HAUS6: variants seen among roughly 807,000 people sequenced by gnomAD.
HAUS6 encodes HAUS augmin like complex subunit 6.
Under a neutral mutation model 106.8 loss-of-function variants are expected in HAUS6, and 80 were observed. The observed-to-expected ratio is 0.75, with a 90% confidence interval of 0.63 to 0.90. The LOEUF (loss-of-function observed/expected upper bound fraction) is 0.90. HAUS6 is among the 40% of genes least tolerant of loss of function. The probability of loss-of-function intolerance (pLI) is 0.00; values close to 1 mark genes in which losing one functional copy is unlikely to be tolerated. For missense variants in HAUS6, 1,155 were observed against 1,118.1 expected (o/e 1.03, Z -0.47); for synonymous variants, 356 against 379.1 (o/e 0.94, Z 0.71).
chr9:19,065,764 C>G (rs1241641918), intron 12 of HAUS6, among the ~76,000 whole-genome samples: 1 of 151,930 alleles, frequency 6.6e-6, no homozygotes, highest in African/African-American at 2.4e-5. Flanking sequence ...TCGCTTGAAC[C>G]CAGGAGGCAG....
intron 5 of HAUS6, 146 bp downstream of exon 5, chr9:19,089,266 A>G: frequency 1.7e-6 from 1 of 591,546 alleles, no homozygotes; most frequent in Non-Finnish European, 2.9e-6. Context: ...GGGAAAAAAA[A>G]AAAGAAGAAG....
intron 2 of HAUS6, among the ~76,000 whole-genome samples, chr9:19,096,100 A>G (rs1186510125): frequency 6.6e-6 from 1 of 152,206 alleles, no homozygotes; most frequent in East Asian, 1.9e-4. Flanking sequence ...CCGTAAATAA[A>G]ATGTTAAGAA....
chr9:19,072,499 ACT>A (rs963457336), intron 11 of HAUS6, among the ~76,000 whole-genome samples: 1 of 150,576 alleles, frequency 6.6e-6, no homozygotes. Context: ...GGTAATAAAG[ACT>A]CTGTCTCAAA....
At chr9:19,063,231 A>T in intron 13 of HAUS6, 38 bp from the exon 14 acceptor site, 1 of 1,306,540 alleles carries the variant, frequency 7.7e-7, no homozygotes, top group Non-Finnish European at 1.1e-6. Context: ...ACCCTTAATA[A>T]TCATGGCTGA....
At position 19,099,353 on chromosome 9, in the gene HAUS6, A is replaced by C. The variant is rs1282681678; in HGVS notation, c.129-2584T>G. On this transcript the variant is annotated intron_variant, in intron 1 of 16. Transcript: ENST00000380502. ...GGCTAATTTTTTGTATTTTTAGTAG[A>C]GATAGGGTTTCACCGTGTTAGCTAG... is the stretch of plus-strand genomic sequence containing the variant. 2.0e-5 allele frequency among the ~76,000 whole-genome samples: 3 copies of C among 152,056 alleles called. No homozygotes were observed. The East Asian group carries it at 5.8e-4, about 30-fold the overall frequency.
intron 4 of HAUS6, among the ~76,000 whole-genome samples, chr9:19,092,033 A>G (rs993123433): frequency 6.6e-6 from 1 of 152,204 alleles, no homozygotes; most frequent in African/African-American, 2.4e-5. Context: ...CACTAATAAA[A>G]GAAATACAAA....
intron 15 of HAUS6, 179 bp downstream of exon 15, chr9:19,059,909 G>A (rs372178806): frequency 2.7e-5 from 13 of 487,990 alleles, no homozygotes; most frequent in African/African-American, 2.2e-4. Context: ...TGAGTACACT[G>A]AAGGCACAAA....
chr9:19,094,690 C>T (rs1372442353), intron 2 of HAUS6, among the ~76,000 whole-genome samples: 5 of 151,972 alleles, frequency 3.3e-5, no homozygotes, highest in Non-Finnish European at 5.9e-5. Context: ...TACTCGGGAG[C>T]TGAGGCACGA....
Position 19,054,755 on chromosome 9 carries a change from ACT to A in HAUS6, c.*1586_*1587del, listed in dbSNP as rs1315821600. ...TCTATTTCCTAGCAGCAGTTCTCAA[ACT>A]CTTTCTCGAGCTTAAGAATTACCAA... is the stretch of plus-strand genomic sequence containing the variant. On this transcript the variant is annotated 3_prime_UTR_variant, in exon 17 of 17. Coordinates refer to ENST00000380502, the MANE Select transcript of HAUS6 (RefSeq NM_017645.5). 1 of 152,186 alleles carries A rather than the reference ACT, an allele frequency of 6.6e-6. No individual in the cohort carries two copies. Among genetic ancestry groups the A allele is most frequent in the Admixed American group, 6.5e-5 (1 of 15,268 alleles). 9.4% of individuals were successfully genotyped at this position (152,186 alleles called of 1,614,324 possible).
At chr9:19,061,940 A>G (rs1429477145) in intron 14 of HAUS6, among the ~76,000 whole-genome samples, 4 of 152,250 alleles carry the variant, frequency 2.6e-5, no homozygotes, top group Non-Finnish European at 4.4e-5. Flanking sequence ...ACCTGAATTA[A>G]TATCTGCTAA....
At chr9:19,097,775 A>AC (rs1817894886) in intron 1 of HAUS6, among the ~76,000 whole-genome samples, 1 of 151,736 alleles carries the variant, frequency 6.6e-6, no homozygotes, top group African/African-American at 2.4e-5. Flanking sequence ...CCTAAAAAAA[A>AC]AAAAAGTGAA....
chr9:19,094,215 T>C (rs1285805689), intron 3 of HAUS6, 102 bp downstream of exon 3: 7 of 658,984 alleles, frequency 1.1e-5, no homozygotes, highest in Admixed American at 3.0e-5. Flanking sequence ...CTTATACTGA[T>C]AGCATTAAAG....
chr9:19,086,949 C>CA (rs1298260280), intron 6 of HAUS6, 142 bp downstream of exon 6: 1 of 624,408 alleles, frequency 1.6e-6, no homozygotes, highest in African/African-American at 1.9e-5. Context: ...GATTAGCAGT[C>CA]ATAACTATGC....
intron 7 of HAUS6, 49 bp downstream of exon 7, chr9:19,086,685 A>G: frequency 1.2e-6 from 1 of 824,134 alleles, no homozygotes; most frequent in Non-Finnish European, 2.0e-6. Context: ...AACACTGCGT[A>G]TCACAGAATT....
chr9:19,073,648 A>C (rs905388332), intron 11 of HAUS6, among the ~76,000 whole-genome samples: 10 of 151,954 alleles, frequency 6.6e-5, no homozygotes, highest in African/African-American at 2.4e-4. Context: ...TCTCCAAAAA[A>C]AAAAAAAAGA....
chr9:19,068,028 G>A (rs939509252), intron 12 of HAUS6, among the ~76,000 whole-genome samples: 1 of 151,466 alleles, frequency 6.6e-6, no homozygotes, highest in Non-Finnish European at 1.5e-5. Flanking sequence ...GGTTTAATGG[G>A]GTTCATGAAT....
At chr9:19,059,087 T>C in intron 15 of HAUS6, 86 bp from the exon 16 acceptor site, 1 of 730,092 alleles carries the variant, frequency 1.4e-6, no homozygotes, top group Non-Finnish European at 2.3e-6. Flanking sequence ...ACACTGAAGA[T>C]AAAGCTCCTG....
chr9:19,074,244 CA>C (rs199871985), intron 11 of HAUS6, among the ~76,000 whole-genome samples: 44 of 149,822 alleles, frequency 2.9e-4, no homozygotes, highest in African/African-American at 9.6e-4. Context: ...GATTCTGTCT[CA>C]AAAAAAAATC....
chr9:19,086,148 C>CA (rs2131140863), intron 7 of HAUS6, among the ~76,000 whole-genome samples: 1 of 150,646 alleles, frequency 6.6e-6, no homozygotes, highest in Admixed American at 6.6e-5. Flanking sequence ...CCTATCTCTA[C>CA]AAAAATACAA....
Sources: allele counts gnomAD v4.1 joint callset (sites outside exome capture counted in the v4.1 genomes callset), GRCh38; gene constraint gnomAD v4.1.1; transcripts MANE v1.5; gene names NCBI Gene and HGNC (gene_info 2026-07-23, HGNC 2026-07-21).